Variants in RAB4A observed in about 807,000 individuals in gnomAD.
RAB4A encodes ras-related protein Rab-4A.
Under a neutral mutation model 34.5 loss-of-function variants are expected in RAB4A, and 20 were observed. The ratio of observed to expected loss-of-function variants is 0.58; its 90% CI spans 0.41 to 0.84. RAB4A has a LOEUF of 0.84. RAB4A is among the 40% of genes least tolerant of loss of function. The pLI is 0.00. For missense variants in RAB4A, 228 were observed against 274.5 expected, an observed-to-expected ratio of 0.83 and a Z score of 1.20; for synonymous variants, 102 against 100.0, an observed-to-expected ratio of 1.02 and a Z score of -0.12.
chr1:229,280,553 C>T lies in RAB4A; in HGVS notation c.32-5933C>T, dbSNP rs147147099. The stretch of plus-strand genomic sequence containing the variant: ...ACAGAGTCATTGTCTGATAATATCA[C>T]GTATTTTTTTTTCCGTTAAGCTTTC... On this transcript the variant is annotated intron_variant, in intron 1 of 7. Coordinates refer to ENST00000366690, the MANE Select transcript of RAB4A (RefSeq NM_004578.4). Among the ~76,000 whole-genome samples the T allele has an allele frequency of 1.4e-4, 21 of 152,246 alleles. No homozygotes were observed. The East Asian group carries it at 1.7e-3, about 13-fold the overall frequency.
In RAB4A at chr1:229,279,020, A is replaced by T. The variant is rs536689497; in HGVS notation, c.32-7466A>T. ...ATTGGCAACTTATTATTTTACCTTA[A>T]AGCCTATTCCTTCTCAGAACCTTCA... is the stretch of plus-strand genomic sequence containing the variant. On this transcript the variant is annotated intron_variant, in intron 1 of 7. Transcript: ENST00000366690. Among the ~76,000 whole-genome samples, 3 of 152,288 alleles carry T rather than the reference A, an allele frequency of 2.0e-5. No homozygotes were observed. The South Asian group carries it at 6.2e-4, about 32-fold the overall frequency.
chr1:229,289,226 A>T (rs1657000577), intron 3 of RAB4A: 1 of 182,428 alleles, frequency 5.5e-6, no homozygotes, highest in East Asian at 1.8e-4. Context: ...TTTGTTTTAC[A>T]TTAACTAGAG....
At chr1:229,280,852 G>T (rs921642263) in intron 1 of RAB4A, among the ~76,000 whole-genome samples, 1 of 152,160 alleles carries the variant, frequency 6.6e-6, no homozygotes, top group African/African-American at 2.4e-5. Context: ...GTCATTTTAA[G>T]AATATTATAT....
chr1:229,301,418 AT>A (rs1391732721), intron 6 of RAB4A, among the ~76,000 whole-genome samples: 2 of 151,088 alleles, frequency 1.3e-5, no homozygotes, highest in African/African-American at 2.4e-5. Context: ...ATCTTTTTGT[AT>A]TTTTTTTTAT....
intron 7 of RAB4A, among the ~76,000 whole-genome samples, 165 bp downstream of exon 7, chr1:229,303,154 A>G (rs1657462200): frequency 6.6e-6 from 1 of 152,120 alleles, no homozygotes; most frequent in Admixed American, 6.6e-5. Context: ...GCTTTAGTTC[A>G]GGAGTTCGAG....
In RAB4A at chr1:229,305,475, T is replaced by G; in HGVS notation, c.*1682T>G. On this transcript the variant is annotated 3_prime_UTR_variant, in exon 8 of 8. Coordinates refer to ENST00000366690, the MANE Select transcript of RAB4A (RefSeq NM_004578.4). ...GACACCATATATCCTTCTGCATCCT[T>G]TGGCCAATAAAAGTTGCTGGAGAAC... is the stretch of plus-strand genomic sequence containing the variant. 2 of 523,544 alleles carry G rather than the reference T, an allele frequency of 3.8e-6. No individual in the cohort carries two copies. Among genetic ancestry groups the G allele is most frequent in the Non-Finnish European group, 6.3e-6 (2 of 315,892 alleles). 32.4% of individuals were successfully genotyped at this position (523,544 alleles called of 1,614,324 possible).
intron 1 of RAB4A, among the ~76,000 whole-genome samples, chr1:229,280,519 A>G (rs955170958): frequency 6.6e-6 from 1 of 152,226 alleles, no homozygotes; most frequent in Non-Finnish European, 1.5e-5. Flanking sequence ...GACTGTGCAT[A>G]GTAAACGTAC....
intron 1 of RAB4A, among the ~76,000 whole-genome samples, chr1:229,281,845 T>TATATATATATCA (rs1293866486): frequency 1.9e-4 from 26 of 135,974 alleles, no homozygotes; most frequent in African/African-American, 7.0e-4. Flanking sequence ...TATATATATA[T>TATATATATATCA]ATCATAGTTT....
chr1:229,281,334 T>TA (rs1445668222), intron 1 of RAB4A, among the ~76,000 whole-genome samples: 1 of 152,208 alleles, frequency 6.6e-6, no homozygotes, highest in Non-Finnish European at 1.5e-5. Context: ...ACGTTCAAGA[T>TA]ACCTATATCT....
At chr1:229,285,971 C>G (rs570024358) in intron 1 of RAB4A, among the ~76,000 whole-genome samples, 21 of 152,324 alleles carry the variant, frequency 1.4e-4, no homozygotes, top group African/African-American at 4.8e-4. Context: ...TTGGCTTATG[C>G]CGTTATACAA....
intron 6 of RAB4A, among the ~76,000 whole-genome samples, chr1:229,301,402 C>A (rs972997110): frequency 1.3e-5 from 2 of 151,628 alleles, no homozygotes; most frequent in Non-Finnish European, 2.9e-5. Flanking sequence ...CAGAAGTGGA[C>A]ATGTCATCTT....
At chr1:229,285,267 C>T (rs536558324) in intron 1 of RAB4A, among the ~76,000 whole-genome samples, 55 of 152,312 alleles carry the variant, frequency 3.6e-4, no homozygotes, top group African/African-American at 1.2e-3. Flanking sequence ...TCCTTAACCT[C>T]CCAAAGTGCT....
chr1:229,298,550 G>A (rs564179903), intron 5 of RAB4A, among the ~76,000 whole-genome samples: 25 of 152,322 alleles, frequency 1.6e-4, no homozygotes, highest in African/African-American at 5.8e-4. Context: ...TGGGCTGTAT[G>A]ACAGATTGCA....
chr1:229,297,392 T>A, intron 4 of RAB4A, 90 bp from the exon 5 acceptor site: 1 of 1,344,518 alleles, frequency 7.4e-7, no homozygotes, highest in Non-Finnish European at 1.0e-6. Flanking sequence ...CCTGAAATGT[T>A]GAAAAGCGGT....
chr1:229,303,840 G>A lies in RAB4A; in HGVS notation c.*47G>A, dbSNP rs1181063875. 6.6e-6 allele frequency: 1 copy of A among 152,150 alleles called. No homozygotes were observed. The highest frequency in any genetic ancestry group is 1.5e-5 in the Non-Finnish European group (1 of 68,028). The allele number at this position is 152,150 out of a possible 1,614,324, so 9.4% of individuals were successfully genotyped here. ...CAGTGGCATTTGGGACACAATCGTTGGAACCTGAAGAATCTGAAGTTTTTT... is the reference window on the plus strand; with the variant it reads ...CAGTGGCATTTGGGACACAATCGTTAGAACCTGAAGAATCTGAAGTTTTTT... On this transcript the variant is annotated 3_prime_UTR_variant, in exon 8 of 8. Coordinates refer to ENST00000366690, the MANE Select transcript of RAB4A (RefSeq NM_004578.4).
rs373476010 is a variant in RAB4A at position 229,271,794 on chromosome 1, G to A, written c.31+424G>A. 1.4e-4 allele frequency among the ~76,000 whole-genome samples: 22 copies of A among 152,350 alleles called. No homozygotes were observed. The South Asian group carries it at 4.6e-3, about 32-fold the overall frequency. On this transcript the variant is annotated intron_variant, in intron 1 of 7. Coordinates refer to ENST00000366690, the MANE Select transcript of RAB4A (RefSeq NM_004578.4). ...ACGCCTGTGTTCCTCAAATACTTCA[G>A]TTTGACCTTTCCTGGTTTGGAATTC...
chr1:229,288,944 C>G, intron 3 of RAB4A, 101 bp downstream of exon 3: 1 of 721,624 alleles, frequency 1.4e-6, no homozygotes, highest in East Asian at 2.9e-5. Flanking sequence ...CCCAACACAC[C>G]CCTTCCTTGT....
At chr1:229,280,935 C>G (rs1021571751) in intron 1 of RAB4A, among the ~76,000 whole-genome samples, 2 of 152,100 alleles carry the variant, frequency 1.3e-5, no homozygotes, top group African/African-American at 4.8e-5. Context: ...AGATACATTC[C>G]AGGTTATTGC....
intron 2 of RAB4A, among the ~76,000 whole-genome samples, chr1:229,287,418 C>T (rs1253226226): frequency 6.6e-6 from 1 of 152,184 alleles, no homozygotes; most frequent in African/African-American, 2.4e-5. Flanking sequence ...GGCTTAGTCA[C>T]AGAACTGGTC....
Sources: allele counts gnomAD v4.1 joint callset (sites outside exome capture counted in the v4.1 genomes callset), GRCh38; gene constraint gnomAD v4.1.1; transcripts MANE v1.5; gene names NCBI Gene and HGNC (gene_info 2026-07-23, HGNC 2026-07-21).